Variants in CTDSPL observed in about 807,000 individuals in gnomAD.
CTDSPL encodes CTD small phosphatase-like protein.
A neutral mutation model predicts 30.5 loss-of-function variants in CTDSPL; 8 were observed. That is an observed-to-expected ratio of 0.26 (90% CI 0.15 to 0.47). The LOEUF (loss-of-function observed/expected upper bound fraction) is 0.47, where lower values mean the gene tolerates loss of function less well. CTDSPL is among the 20% of genes least tolerant of loss of function. The pLI is 0.99. For synonymous variants in CTDSPL, 110 were observed against 137.9 expected (o/e 0.80, Z 1.42); for missense variants, 248 against 366.1 (o/e 0.68, Z 2.63).
chr3:37,884,708 C>T (rs1162930018), intron 1 of CTDSPL, among the ~76,000 whole-genome samples: 1 of 152,048 alleles, frequency 6.6e-6, no homozygotes, highest in African/African-American at 2.4e-5. Flanking sequence ...AGAAGTTACC[C>T]TTAAAGGGAC....
At chr3:37,900,880 C>CGCA (rs1698442469) in intron 1 of CTDSPL, among the ~76,000 whole-genome samples, 1 of 152,166 alleles carries the variant, frequency 6.6e-6, no homozygotes, top group Non-Finnish European at 1.5e-5. Context: ...CTTACTGCAA[C>CGCA]CTCCGTCTCC....
intron 1 of CTDSPL, among the ~76,000 whole-genome samples, chr3:37,900,827 C>A (rs976130918): frequency 2.0e-5 from 3 of 152,066 alleles, no homozygotes; most frequent in Non-Finnish European, 4.4e-5. Flanking sequence ...TAGACGAAGT[C>A]TCGCTCTGTT....
intron 7 of CTDSPL, among the ~76,000 whole-genome samples, chr3:37,979,884 T>C (rs1213679411): frequency 6.6e-6 from 1 of 152,204 alleles, no homozygotes; most frequent in Non-Finnish European, 1.5e-5. Flanking sequence ...ATATAACACA[T>C]TTACATGGTT....
rs1209485794 is a variant in CTDSPL, at chr3:37,940,091, C to CA, written c.80-6956dup. ...TGGGTGACAGAGCAAGACTCCGTCT[C>CA]AAAAAAAAAAGCTATTTCTATACCC... On this transcript the variant is annotated intron_variant, in intron 1 of 7. Transcript: ENST00000273179. 8.2e-4 allele frequency among the ~76,000 whole-genome samples: 118 copies of CA among 144,348 alleles called. 4 individuals carry two copies. The highest frequency in any genetic ancestry group is 7.4e-3 in the Middle Eastern group (2 of 272). The allele number at this position is 144,348 out of a possible 152,430, so 94.7% of individuals were successfully genotyped here. A position where few individuals can be genotyped will look rare whatever the true frequency, so the allele number is the denominator to read the frequency against.
intron 1 of CTDSPL, among the ~76,000 whole-genome samples, chr3:37,937,612 A>G (rs1483732227): frequency 6.6e-6 from 1 of 150,440 alleles, no homozygotes; most frequent in Non-Finnish European, 1.5e-5. Flanking sequence ...ACCCAGTTTC[A>G]AGTATTCTGT....
At chr3:37,911,969 G>T in intron 1 of CTDSPL, 1 of 260,808 alleles carries the variant, frequency 3.8e-6, no homozygotes, top group Non-Finnish European at 7.8e-6. Flanking sequence ...GGCTGAGGCA[G>T]GAGAACTGCT....
intron 1 of CTDSPL, among the ~76,000 whole-genome samples, chr3:37,873,048 A>G (rs1381015844): frequency 1.3e-5 from 2 of 152,186 alleles, no homozygotes; most frequent in Admixed American, 6.5e-5. Flanking sequence ...TTACTGCTGG[A>G]TAGGAGTAGA....
At chr3:37,909,245 A>G (rs970616084) in intron 1 of CTDSPL, among the ~76,000 whole-genome samples, 2 of 152,200 alleles carry the variant, frequency 1.3e-5, no homozygotes, top group Admixed American at 6.5e-5. Flanking sequence ...TGGCTGAGCA[A>G]ATCACTGAAG....
intron 1 of CTDSPL, among the ~76,000 whole-genome samples, chr3:37,910,450 C>T (rs1027720315): frequency 6.6e-6 from 1 of 152,136 alleles, no homozygotes; most frequent in Non-Finnish European, 1.5e-5. Flanking sequence ...CATTGCACTC[C>T]AGCCTGGGCA....
At chr3:37,941,100 A>AGTG (rs1698972147) in intron 1 of CTDSPL, among the ~76,000 whole-genome samples, 1 of 150,350 alleles carries the variant, frequency 6.7e-6, no homozygotes, top group African/African-American at 2.4e-5. Flanking sequence ...GCTGGGCTGC[A>AGTG]GTGACACCAG....
intron 1 of CTDSPL, among the ~76,000 whole-genome samples, chr3:37,909,735 G>A (rs963974940): frequency 1.3e-4 from 20 of 152,218 alleles, no homozygotes; most frequent in Non-Finnish European, 2.8e-4. Flanking sequence ...CTGTGATCAC[G>A]AGGCTGTGTG....
intron 1 of CTDSPL, among the ~76,000 whole-genome samples, chr3:37,917,329 A>G (rs1286399900): frequency 2.0e-5 from 3 of 152,228 alleles, no homozygotes; most frequent in Non-Finnish European, 4.4e-5. Flanking sequence ...CAGGGTATGA[A>G]TAATCTTGCT....
chr3:37,940,139 C>T (rs1244693065), intron 1 of CTDSPL, among the ~76,000 whole-genome samples: 1 of 150,366 alleles, frequency 6.7e-6, no homozygotes, highest in Non-Finnish European at 1.5e-5. Flanking sequence ...AGTCCCCAGT[C>T]TGGGCTATGT....
intron 1 of CTDSPL, among the ~76,000 whole-genome samples, chr3:37,864,036 T>A (rs1697978308): frequency 6.6e-6 from 1 of 152,152 alleles, no homozygotes; most frequent in African/African-American, 2.4e-5. Context: ...GGCTGTTAGT[T>A]CTTGGAGCCC....
intron 2 of CTDSPL, among the ~76,000 whole-genome samples, chr3:37,949,174 G>T (rs570783049): frequency 1.3e-5 from 2 of 152,332 alleles, no homozygotes; most frequent in Admixed American, 1.3e-4. Flanking sequence ...TTTGGTTTTA[G>T]CATGGAGTGG....
intron 7 of CTDSPL, among the ~76,000 whole-genome samples, chr3:37,976,447 C>T (rs1699428915): frequency 6.6e-6 from 1 of 152,042 alleles, no homozygotes; most frequent in African/African-American, 2.4e-5. Context: ...TCCTGGCCAA[C>T]ATGGTAAAAC....
intron 1 of CTDSPL, among the ~76,000 whole-genome samples, chr3:37,882,834 G>A (rs1698223025): frequency 6.6e-6 from 1 of 152,194 alleles, no homozygotes; most frequent in Admixed American, 6.5e-5. Context: ...GATCCTCAGT[G>A]ACAGTTCAGG....
intron 1 of CTDSPL, among the ~76,000 whole-genome samples, chr3:37,928,672 T>G (rs933668090): frequency 2.0e-5 from 3 of 152,200 alleles, no homozygotes; most frequent in African/African-American, 7.2e-5. Context: ...TTCTTTATAT[T>G]TTTTTGGATA....
intron 1 of CTDSPL, among the ~76,000 whole-genome samples, chr3:37,908,515 T>C (rs1559630542): frequency 6.6e-6 from 1 of 152,230 alleles, no homozygotes. Context: ...TGTACCAACA[T>C]TTATTAGCCA....
Sources: gnomAD v4.1 joint callset for allele counts (sites outside exome capture counted in the v4.1 genomes callset) on GRCh38, gnomAD v4.1.1 for gene constraint, MANE v1.5 for transcripts, NCBI Gene and HGNC (gene_info 2026-07-23, HGNC 2026-07-21) for gene names.